The following HLA-DMA variants were observed in gnomAD, a reference collection of about 807,000 sequenced individuals.
HLA-DMA encodes the protein HLA class II histocompatibility antigen, DM alpha chain.
Under a neutral mutation model 27.3 loss-of-function variants are expected in HLA-DMA, and 20 were observed. That is an observed-to-expected ratio of 0.73 (90% CI 0.52 to 1.07). The LOEUF (loss-of-function observed/expected upper bound fraction) is 1.07, where lower values mean the gene tolerates loss of function less well. Ranked by LOEUF, HLA-DMA falls within the 50% of genes least tolerant of loss-of-function variation. HLA-DMA has a pLI of 0.00. For synonymous variants in HLA-DMA, 111 were observed against 126.8 expected, an observed-to-expected ratio of 0.88 and a Z score of 0.83; for missense variants, 241 against 321.7, an observed-to-expected ratio of 0.75 and a Z score of 1.92.
rs773632750 is a variant in HLA-DMA at position 32,949,690 on chromosome 6, G to A, written c.573C>T (p.Asn191=). The change falls in exon 3 of 5, where the codon AAC becomes AAT. Residue 191 remains asparagine (N), a synonymous_variant. Transcript: ENST00000374843. The surrounding 1 kb of genome is among the most constrained non-coding windows in gnomAD (Gnocchi z 5.8). ...AAATGTCAGAAGGTTCTGGTGTGAA[G>A]TTTAAGTAAGAAAAGGCCTGGAAGC... ...GLSFQAFSYL[N]FTPEPSDIFS... is the part of the protein sequence containing the mutation. 20 of 1,613,108 alleles carry A rather than the reference G, an allele frequency of 1.2e-5. No individual in the cohort carries two copies. In the South Asian group the frequency reaches 2.1e-4, roughly 17 times the overall value.
At chr6:32,948,955 T>G in intron 4 of HLA-DMA, 87 bp from the exon 5 acceptor site, 6 of 1,454,438 alleles carry the variant, frequency 4.1e-6, no homozygotes, top group Non-Finnish European at 4.7e-6. Flanking sequence ...ACAAAGGCCT[T>G]GCTCGCCCTG....
chr6:32,951,966 T>C (rs1561887484), intron 1 of HLA-DMA, among the ~76,000 whole-genome samples: 1 of 151,928 alleles, frequency 6.6e-6, no homozygotes, highest in Non-Finnish European at 1.5e-5. Flanking sequence ...AATTTAAAAA[T>C]GTATATATAT....
intron 1 of HLA-DMA, among the ~76,000 whole-genome samples, chr6:32,951,716 G>A (rs1340212667): frequency 6.6e-6 from 1 of 151,960 alleles, no homozygotes; most frequent in Non-Finnish European, 1.5e-5. Context: ...ATCACCTGAG[G>A]TCAGGAGTTT....
In HLA-DMA at chr6:32,949,677, G is replaced by T. The variant is rs748309691; in HGVS notation, c.586C>A (p.Pro196Thr). 2 of 1,612,958 alleles carry T rather than the reference G, an allele frequency of 1.2e-6. No individual in the cohort carries two copies. The highest frequency in any genetic ancestry group is 2.2e-5 in the East Asian group (1 of 44,892). The change falls in exon 3 of 5, where the codon CCT (proline) becomes ACT (threonine). Residue 196 changes from proline to threonine, a missense_variant. Pro to Thr is a conservative substitution (Grantham distance 38). Coordinates refer to ENST00000374843, the MANE Select transcript of HLA-DMA (RefSeq NM_006120.4). This position sits in a 1 kb window ranked among gnomAD's most constrained non-coding sequence, Gnocchi z 5.8. ...AFSYLNFTPE[P>T]SDIFSCIVTH... The stretch of plus-strand genomic sequence containing the variant: ...ACAATGCAGGAGAAAATGTCAGAAG[G>T]TTCTGGTGTGAAGTTTAAGTAAGAA...
Position 32,948,714 on chromosome 6 carries a change from G to T in HLA-DMA, c.*150C>A. On this transcript the variant is annotated 3_prime_UTR_variant, in exon 5 of 5. Transcript: ENST00000374843. The stretch of plus-strand genomic sequence containing the variant: ...CTGGGATGCAAGCCCAGGGACAGCA[G>T]AGTCCCCAGGTGGGAAATCTACACA... 1 of 892,262 alleles carries T rather than the reference G, an allele frequency of 1.1e-6. No individual in the cohort carries two copies. Among genetic ancestry groups the T allele is most frequent in the African/African-American group, 1.6e-5 (1 of 60,624 alleles). The allele number at this position is 892,262 out of a possible 1,614,324, so 55.3% of individuals were successfully genotyped here. A position where few individuals can be genotyped will look rare whatever the true frequency, so the allele number is the denominator to read the frequency against.
In HLA-DMA at chr6:32,950,430, G is replaced by T; in HGVS notation, c.373+89C>A. The T allele has an allele frequency of 7.1e-7, 1 of 1,416,938 alleles. No homozygotes were observed. The highest frequency in any genetic ancestry group is 9.8e-7 in the Non-Finnish European group (1 of 1,022,782). The allele number at this position is 1,416,938 out of a possible 1,614,324, so 87.8% of individuals were successfully genotyped here. ...AGAGAACCAGAAAGTATTTGAGATG[G>T]GGAGCTGGTATCAAGGGGAATTATT... On this transcript the variant is annotated intron_variant, in intron 2 of 4. Transcript: ENST00000374843. This position sits in a 1 kb window ranked among gnomAD's most constrained non-coding sequence, Gnocchi z 5.0.
Position 32,950,675 on chromosome 6 carries a change from A to T in HLA-DMA, c.217T>A (p.Phe73Ile). 1 of 1,613,052 alleles carries T rather than the reference A, an allele frequency of 6.2e-7. No individual in the cohort carries two copies. The highest frequency in any genetic ancestry group is 8.5e-7 in the Non-Finnish European group (1 of 1,180,028). ...YDEDQLFFFD[F>I]SQNTRVPRLP... Reference sequence around the variant, plus strand: ...CGAGGCACCCGAGTGTTCTGGGAAAAGTCGAAGAAGAAAAGCTGGTCCTCG... The same window carrying T: ...CGAGGCACCCGAGTGTTCTGGGAAATGTCGAAGAAGAAAAGCTGGTCCTCG... The change falls in exon 2 of 5, where the codon TTT becomes ATT. Residue 73 changes from phenylalanine (F) to isoleucine (I), a missense_variant. Coordinates refer to ENST00000374843, the MANE Select transcript of HLA-DMA (RefSeq NM_006120.4). The surrounding 1 kb of genome is among the most constrained non-coding windows in gnomAD (Gnocchi z 5.0).
At position 32,953,048 on chromosome 6, in the gene HLA-DMA, A is replaced by T; in HGVS notation, c.-12T>A. 1 of 1,607,802 alleles carries T rather than the reference A, an allele frequency of 6.2e-7. No individual in the cohort carries two copies. The highest frequency in any genetic ancestry group is 2.2e-5 in the East Asian group (1 of 44,848). On this transcript the variant is annotated 5_prime_UTR_variant, in exon 1 of 5. Coordinates refer to ENST00000374843, the MANE Select transcript of HLA-DMA (RefSeq NM_006120.4). ...TGTTCATGACCCATACCTTCTTGCC[A>T]CACAGTAGGTAGGAGCTACCAACCC...
Position 32,948,783 on chromosome 6 carries a change from T to C in HLA-DMA, c.*81A>G. The C allele has an allele frequency of 6.5e-7, 1 of 1,535,950 alleles. No homozygotes were observed. Among genetic ancestry groups the C allele is most frequent in the Non-Finnish European group, 9.0e-7 (1 of 1,109,056 alleles). On this transcript the variant is annotated 3_prime_UTR_variant, in exon 5 of 5. Transcript: ENST00000374843. ...CAGAGACTTCTACCCTAAGAGGAGA[T>C]CCTGGGCAGGATGTGAGAAATCTGA...
chr6:32,949,322 T>C lies in HLA-DMA; in HGVS notation c.730A>G (p.Ile244Val). ...GVAFGLGVLG[I>V]IVGIVLIIYF... ...ATGATGAGAACAATGCCCACGATGA[T>C]GCCCAGCACACCCAGGCCAAAGGCC... Residue 244 changes from isoleucine (I) to valine (V), a missense_variant, in exon 4 of 5, where the codon ATC becomes GTC. Physicochemically the swap from Ile to Val is conservative, Grantham distance 29. Transcript: ENST00000374843. The surrounding 1 kb of genome is among the most constrained non-coding windows in gnomAD (Gnocchi z 5.8). The C allele has an allele frequency of 6.2e-7, 1 of 1,614,132 alleles. No individual in the cohort carries two copies. Among genetic ancestry groups the C allele is most frequent in the Non-Finnish European group, 8.5e-7 (1 of 1,180,032 alleles).
chr6:32,948,931 C>T, intron 4 of HLA-DMA, 63 bp from the exon 5 acceptor site: 1 of 1,571,360 alleles, frequency 6.4e-7, no homozygotes, highest in Admixed American at 1.7e-5. Flanking sequence ...TCCTTCTCCT[C>T]CTCCTCCTCC....
intron 4 of HLA-DMA, 74 bp from the exon 5 acceptor site, chr6:32,948,942 C>G: frequency 5.2e-6 from 8 of 1,541,994 alleles, no homozygotes; most frequent in Non-Finnish European, 7.1e-6. Flanking sequence ...CTCCTCCTCC[C>G]CCACAAAGGC....
chr6:32,950,593 A>G lies in HLA-DMA; in HGVS notation c.299T>C (p.Phe100Ser), dbSNP rs745587607. 1 of 1,613,040 alleles carries G rather than the reference A, an allele frequency of 6.2e-7. No individual in the cohort carries two copies. Among genetic ancestry groups the G allele is most frequent in the Non-Finnish European group, 8.5e-7 (1 of 1,180,016 alleles). ...QEQGDAPAILFDKEFCEWMIQ... is the reference protein window; with the variant it reads ...QEQGDAPAILSDKEFCEWMIQ... The stretch of plus-strand genomic sequence containing the variant: ...CATCCACTCGCAGAACTCTTTGTCA[A>G]ATAAAATGGCAGGAGCATCTCCCTG... Residue 100 changes from phenylalanine (F) to serine (S), a missense_variant, in exon 2 of 5, where the codon TTT (phenylalanine) becomes TCT (serine). By Grantham distance (155) the Phe-to-Ser change is radical. Transcript: ENST00000374843. This position sits in a 1 kb window ranked among gnomAD's most constrained non-coding sequence, Gnocchi z 5.0.
rs112631644 is a variant in HLA-DMA at position 32,949,800 on chromosome 6, G to A, written c.463C>T (p.Pro155Ser). 1 of 1,613,104 alleles carries A rather than the reference G, an allele frequency of 6.2e-7. No individual in the cohort carries two copies. ...TGCTGCCAGTTCACTGTCAGCATGGGTGGGAAGAGATTACTGACAAAACAG... is the reference window on the plus strand; with the variant it reads ...TGCTGCCAGTTCACTGTCAGCATGGATGGGAAGAGATTACTGACAAAACAG... ...LVCFVSNLFP[P>S]MLTVNWQHHS... The change falls in exon 3 of 5, where the codon CCC (proline) becomes TCC (serine). Residue 155 changes from proline (P) to serine (S), a missense_variant. Transcript: ENST00000374843. This position sits in a 1 kb window ranked among gnomAD's most constrained non-coding sequence, Gnocchi z 5.8.
Position 32,950,497 on chromosome 6 carries a change from C to T in HLA-DMA, c.373+22G>A. ...GAGGTTAATGCAGCCCTCCTCCCTT[C>T]ACTCCCCAGAAAACTCCTGACCTCT... On this transcript the variant is annotated intron_variant, in intron 2 of 4. Transcript: ENST00000374843. This position sits in a 1 kb window ranked among gnomAD's most constrained non-coding sequence, Gnocchi z 5.0. 6.2e-7 allele frequency: 1 copy of T among 1,612,454 alleles called. No individual in the cohort carries two copies.
chr6:32,952,165 A>G (rs947581408), intron 1 of HLA-DMA: 1 of 380,910 alleles, frequency 2.6e-6, no homozygotes, highest in Non-Finnish European at 5.4e-6. Flanking sequence ...TGACTAGAGA[A>G]GGCCATGGAT....
chr6:32,951,603 C>T (rs1487539355), intron 1 of HLA-DMA, among the ~76,000 whole-genome samples: 1 of 151,830 alleles, frequency 6.6e-6, no homozygotes, highest in South Asian at 2.1e-4. Context: ...TGGACTCCAG[C>T]CCAGGTGACA....
chr6:32,951,980 A>G (rs1776922947), intron 1 of HLA-DMA, among the ~76,000 whole-genome samples: 1 of 152,190 alleles, frequency 6.6e-6, no homozygotes, highest in Non-Finnish European at 1.5e-5. Flanking sequence ...TATATATAAA[A>G]TAAAGTGACA....
At chr6:32,952,914 G>C (rs772089178) in intron 1 of HLA-DMA, 35 bp downstream of exon 1, 164 of 1,536,242 alleles carry the variant, frequency 1.1e-4, no homozygotes, top group Non-Finnish European at 1.4e-4. Flanking sequence ...GGCTCCCTAG[G>C]TTCAGGATGG....
Sources: allele counts gnomAD v4.1 joint callset (sites outside exome capture counted in the v4.1 genomes callset), GRCh38; gene constraint gnomAD v4.1.1; non-coding constraint Gnocchi (gnomAD v3.1); transcripts MANE v1.5; gene names NCBI Gene and HGNC (gene_info 2026-07-23, HGNC 2026-07-21).